ZFPM2: variants seen among roughly 807,000 people sequenced by gnomAD.
ZFPM2 encodes the protein zinc finger protein ZFPM2.
Under a neutral mutation model 98.6 loss-of-function variants are expected in ZFPM2, and 20 were observed. The observed-to-expected ratio is 0.20, with a 90% CI of 0.14 to 0.29. ZFPM2 has a LOEUF of 0.29. Among genes scored for constraint, ZFPM2 ranks in the 10% least tolerant of loss-of-function variants. The probability of loss-of-function intolerance (pLI) is 1.00; values close to 1 mark genes in which losing one functional copy is unlikely to be tolerated. For synonymous variants in ZFPM2, 518 were observed against 502.7 expected (o/e 1.03, Z -0.41); for missense variants, 1,310 against 1,388.6 (o/e 0.94, Z 0.90).
At chr8:105,459,877 G>A (rs183556808) in intron 3 of ZFPM2, among the ~76,000 whole-genome samples, 2 of 152,258 alleles carry the variant, frequency 1.3e-5, no homozygotes, top group East Asian at 1.9e-4. Context: ...GAGTGGATAC[G>A]GTGGCTGTAA....
rs1481399593 is a variant in ZFPM2, at chr8:105,691,335, G to A, written c.532+56978G>A. ...GGGATCTCGGCTCACTGCAAGCTCC[G>A]CTTCCCGGGTTCACGCCATTCTCCT... is the stretch of plus-strand genomic sequence containing the variant. On this transcript the variant is annotated intron_variant, in intron 5 of 7. Coordinates refer to ENST00000407775, the MANE Select transcript of ZFPM2 (RefSeq NM_012082.4). Among the ~76,000 whole-genome samples, 16 of 114,946 alleles carry A rather than the reference G, an allele frequency of 1.4e-4. 2 individuals are homozygous for A. Among genetic ancestry groups the A allele is most frequent in the African/African-American group, 3.9e-4 (11 of 28,180 alleles). 75.4% of individuals were successfully genotyped at this position (114,946 alleles called of 152,430 possible). A position where few individuals can be genotyped will look rare whatever the true frequency, so the allele number is the denominator to read the frequency against.
At chr8:105,577,306 G>A (rs1901062) in intron 4 of ZFPM2, among the ~76,000 whole-genome samples, 99,303 of 151,904 alleles carry the variant, frequency 0.65, 33,147 homozygotes, top group African/African-American at 0.82. Context: ...ACAAAAAGTA[G>A]TATTCACATG....
chr8:105,446,117 T>C (rs917873005), intron 3 of ZFPM2, among the ~76,000 whole-genome samples: 1 of 152,100 alleles, frequency 6.6e-6, no homozygotes, highest in African/African-American at 2.4e-5. Context: ...AGACGGGGTT[T>C]CACCATATTA....
At chr8:105,751,717 A>T (rs2343548) in intron 5 of ZFPM2, among the ~76,000 whole-genome samples, 17,407 of 151,846 alleles carry the variant, frequency 0.11, 1,201 homozygotes, top group East Asian at 0.32. Context: ...AAAGGAGTTT[A>T]TGAGCGATGG....
At chr8:105,500,246 T>C (rs1817214474) in intron 3 of ZFPM2, among the ~76,000 whole-genome samples, 1 of 152,210 alleles carries the variant, frequency 6.6e-6, no homozygotes, top group African/African-American at 2.4e-5. Context: ...ACTAGCATGC[T>C]AAATATCGGC....
intron 4 of ZFPM2, among the ~76,000 whole-genome samples, chr8:105,606,382 TGTA>T (rs1194332595): frequency 2.0e-5 from 3 of 152,014 alleles, no homozygotes; most frequent in Admixed American, 6.6e-5. Flanking sequence ...TTTGAGTTGT[TGTA>T]GTATGGTGAT....
chr8:105,621,130 A>T (rs934063330), intron 4 of ZFPM2, among the ~76,000 whole-genome samples: 5 of 152,054 alleles, frequency 3.3e-5, no homozygotes, highest in Admixed American at 2.6e-4. Flanking sequence ...CAGTATGGCT[A>T]TTTTCACCAT....
At chr8:105,680,577 G>A (rs1270952328) in intron 5 of ZFPM2, among the ~76,000 whole-genome samples, 1 of 152,104 alleles carries the variant, frequency 6.6e-6, no homozygotes, top group African/African-American at 2.4e-5. Context: ...AGTAGGAATT[G>A]GGTATGTAGT....
chr8:105,423,762 G>T (rs1811849503), intron 2 of ZFPM2, among the ~76,000 whole-genome samples: 1 of 152,164 alleles, frequency 6.6e-6, no homozygotes, highest in Non-Finnish European at 1.5e-5. Context: ...TTGGGAGTTT[G>T]TAGTTATGTC....
At position 105,405,762 on chromosome 8, in the gene ZFPM2, C is replaced by T. The variant is rs553875105; in HGVS notation, c.41-13382C>T. Among the ~76,000 whole-genome samples the T allele has an allele frequency of 8.3e-3, 1,263 of 152,106 alleles. 15 individuals are homozygous for T. The highest frequency in any genetic ancestry group is 0.029 in the African/African-American group (1,188 of 41,490). Reference sequence around the variant, plus strand: ...CATATGTGTGCATGTGTCTTTATAACAGCATGATTTATAATCCTTTGGGTA... The same window carrying T: ...CATATGTGTGCATGTGTCTTTATAATAGCATGATTTATAATCCTTTGGGTA... On this transcript the variant is annotated intron_variant, in intron 1 of 7. Coordinates refer to ENST00000407775, the MANE Select transcript of ZFPM2 (RefSeq NM_012082.4).
intron 3 of ZFPM2, among the ~76,000 whole-genome samples, chr8:105,548,584 A>G (rs1382534688): frequency 1.3e-5 from 2 of 152,272 alleles, no homozygotes; most frequent in South Asian, 2.1e-4. Context: ...TTATTGTAAC[A>G]TAACAAATGT....
intron 5 of ZFPM2, among the ~76,000 whole-genome samples, chr8:105,650,495 C>T (rs1257662467): frequency 6.6e-6 from 1 of 152,192 alleles, no homozygotes; most frequent in Non-Finnish European, 1.5e-5. Flanking sequence ...TTCTTTCCTG[C>T]TTTCTCTGAT....
At chr8:105,562,074 G>A (rs1201663777) in intron 4 of ZFPM2, among the ~76,000 whole-genome samples, 1 of 152,068 alleles carries the variant, frequency 6.6e-6, no homozygotes, top group African/African-American at 2.4e-5. Context: ...GGGAGGCTGA[G>A]GCAGGTGGAT....
chr8:105,559,537 C>T (rs554839005), intron 3 of ZFPM2, among the ~76,000 whole-genome samples: 2 of 152,088 alleles, frequency 1.3e-5, no homozygotes, highest in South Asian at 4.1e-4. Flanking sequence ...TGATTGGGAA[C>T]ATGAAATTGT....
intron 3 of ZFPM2, among the ~76,000 whole-genome samples, chr8:105,556,711 T>C (rs1159511774): frequency 1.6e-5 from 2 of 124,244 alleles, no homozygotes; most frequent in Non-Finnish European, 3.4e-5. Flanking sequence ...TCCCTTCCCT[T>C]CCCTTCCCTC....
chr8:105,783,890 T>C (rs185299261), intron 5 of ZFPM2, among the ~76,000 whole-genome samples: 1 of 152,290 alleles, frequency 6.6e-6, no homozygotes, highest in East Asian at 1.9e-4. Context: ...TTCCTTTCTT[T>C]TGAATATATA....
intron 5 of ZFPM2, among the ~76,000 whole-genome samples, chr8:105,687,326 T>C (rs1334699415): frequency 1.3e-5 from 2 of 152,210 alleles, no homozygotes; most frequent in African/African-American, 4.8e-5. Context: ...TGAGAACTAT[T>C]AGACTGCTTA....
chr8:105,746,909 AC>A (rs1224716773), intron 5 of ZFPM2, among the ~76,000 whole-genome samples: 1 of 151,810 alleles, frequency 6.6e-6, no homozygotes, highest in East Asian at 1.9e-4. Flanking sequence ...CTATGACACA[AC>A]TACTGGTTTA....
In ZFPM2 at chr8:105,585,783, C is replaced by T. The variant is rs1815698418; in HGVS notation, c.420+24302C>T. 1.3e-5 allele frequency among the ~76,000 whole-genome samples: 2 copies of T among 151,930 alleles called. 1 individual carries two copies. Among genetic ancestry groups the T allele is most frequent in the South Asian group, 4.1e-4 (2 of 4,822 alleles). ...AGGAGTTTGAGGTTGCAGTGAGCTA[C>T]GATCATGCCGTTGCACTCCAGTCTT... On this transcript the variant is annotated intron_variant, in intron 4 of 7. Transcript: ENST00000407775.
Sources: gnomAD v4.1 joint callset for allele counts (sites outside exome capture counted in the v4.1 genomes callset) on GRCh38, gnomAD v4.1.1 for gene constraint, MANE v1.5 for transcripts, NCBI Gene and HGNC (gene_info 2026-07-23, HGNC 2026-07-21) for gene names.